Variants in UBE2G1 observed in about 807,000 individuals in gnomAD.
The protein encoded by UBE2G1 is ubiquitin conjugating enzyme E2 G1.
A neutral mutation model predicts 22.7 loss-of-function variants in UBE2G1; 5 were observed. The observed-to-expected ratio is 0.22, with a 90% CI of 0.12 to 0.46. The LOEUF (loss-of-function observed/expected upper bound fraction) is 0.46. Among genes scored for constraint, UBE2G1 ranks in the 20% least tolerant of loss-of-function variants. UBE2G1 has a pLI of 0.99. For missense variants in UBE2G1, 88 were observed against 203.9 expected, an observed-to-expected ratio of 0.43 and a Z score of 3.46; for synonymous variants, 74 against 67.5, an observed-to-expected ratio of 1.10 and a Z score of -0.47.
intron 3 of UBE2G1, among the ~76,000 whole-genome samples, chr17:4,292,543 C>T (rs1037093882): frequency 3.3e-5 from 5 of 152,186 alleles, no homozygotes; most frequent in South Asian, 4.1e-4. Context: ...CACAAGTGGT[C>T]TGGATAGCAT....
intron 2 of UBE2G1, among the ~76,000 whole-genome samples, chr17:4,298,919 G>A (rs1481687716): frequency 1.3e-5 from 2 of 152,158 alleles, no homozygotes; most frequent in African/African-American, 4.8e-5. Flanking sequence ...AATAGAGACT[G>A]GAATAGCTGT....
intron 1 of UBE2G1, among the ~76,000 whole-genome samples, chr17:4,347,430 T>A (rs1969789730): frequency 1.3e-5 from 2 of 151,806 alleles, no homozygotes; most frequent in African/African-American, 4.8e-5. Flanking sequence ...TCACTTGATG[T>A]CTCTGTGTCA....
At chr17:4,291,563 T>C (rs1212679295) in intron 3 of UBE2G1, among the ~76,000 whole-genome samples, 1 of 152,158 alleles carries the variant, frequency 6.6e-6, no homozygotes, top group Non-Finnish European at 1.5e-5. Flanking sequence ...CATTTTCCTT[T>C]TTAAAAAAAA....
intron 2 of UBE2G1, among the ~76,000 whole-genome samples, chr17:4,305,941 G>A (rs527924919): frequency 2.0e-5 from 3 of 152,326 alleles, no homozygotes; most frequent in East Asian, 3.9e-4. Flanking sequence ...ATCTAGAAAT[G>A]TACGACATGA....
At chr17:4,317,946 AT>A (rs1969396216) in intron 1 of UBE2G1, among the ~76,000 whole-genome samples, 1 of 152,232 alleles carries the variant, frequency 6.6e-6, no homozygotes, top group African/African-American at 2.4e-5. Flanking sequence ...CGCCTATTTT[AT>A]AGAAATAAAT....
At chr17:4,357,794 G>A (rs191714871) in intron 1 of UBE2G1, among the ~76,000 whole-genome samples, 108 of 151,640 alleles carry the variant, frequency 7.1e-4, no homozygotes, top group African/African-American at 2.5e-3. Context: ...GCGGAACTCT[G>A]TCTCAAAAAA....
chr17:4,342,715 C>T (rs1311604722), intron 1 of UBE2G1, among the ~76,000 whole-genome samples: 2 of 152,210 alleles, frequency 1.3e-5, no homozygotes, highest in African/African-American at 2.4e-5. Context: ...TCTGACTCTC[C>T]GTGCAGTCTA....
chr17:4,282,458 T>C (rs955134201), intron 5 of UBE2G1, among the ~76,000 whole-genome samples: 3 of 152,216 alleles, frequency 2.0e-5, no homozygotes, highest in East Asian at 1.9e-4. Context: ...TATATGAAGA[T>C]ACATTAGTGC....
At chr17:4,341,628 C>CA (rs1358098846) in intron 1 of UBE2G1, among the ~76,000 whole-genome samples, 2 of 152,152 alleles carry the variant, frequency 1.3e-5, no homozygotes, top group Non-Finnish European at 2.9e-5. Context: ...ACAAGCCCTC[C>CA]AGTTACTGCA....
Position 4,282,800 on chromosome 17 carries a change from T to A in UBE2G1, c.*35A>T. ...TATGATATTTAAAATAAACTTACCCTGAAATAAGTGAAGTTACTAGCTGCT... is the reference window on the plus strand; with the variant it reads ...TATGATATTTAAAATAAACTTACCCAGAAATAAGTGAAGTTACTAGCTGCT... On this transcript the variant is annotated splice_region_variant and 3_prime_UTR_variant, in exon 5 of 6. Coordinates refer to ENST00000396981, the MANE Select transcript of UBE2G1 (RefSeq NM_003342.5). 6.3e-7 allele frequency: 1 copy of A among 1,576,276 alleles called. No homozygotes were observed.
Position 4,285,767 on chromosome 17 carries a change from T to G in UBE2G1, c.427-2846A>C, listed in dbSNP as rs182117166. 6.6e-3 allele frequency among the ~76,000 whole-genome samples: 997 copies of G among 151,970 alleles called. 11 individuals carry two copies. The highest frequency in any genetic ancestry group is 0.023 in the African/African-American group (958 of 41,438). On this transcript the variant is annotated intron_variant, in intron 4 of 5. Coordinates refer to ENST00000396981, the MANE Select transcript of UBE2G1 (RefSeq NM_003342.5). ...GTAATCAAGACCATCCTGGCCAACA[T>G]GGTGAAACCCCATCTCTACTAAAAA...
chr17:4,304,008 G>A (rs1478877895), intron 2 of UBE2G1, among the ~76,000 whole-genome samples: 1 of 152,106 alleles, frequency 6.6e-6, no homozygotes. Flanking sequence ...TGATATCCAG[G>A]TTTCTTAGAC....
In UBE2G1 at chr17:4,272,395, G is replaced by C. The variant is rs1167366442; in HGVS notation, c.*159C>G. ...CACTTGTTAGGCTCTTGTCAGCATT[G>C]ATAACTGGCATGTTTTATTGCAGCC... On this transcript the variant is annotated 3_prime_UTR_variant, in exon 6 of 6. Coordinates refer to ENST00000396981, the MANE Select transcript of UBE2G1 (RefSeq NM_003342.5). 1 of 186,600 alleles carries C rather than the reference G, an allele frequency of 5.4e-6. No homozygotes were observed. Among genetic ancestry groups the C allele is most frequent in the Middle Eastern group, 2.9e-3 (1 of 340 alleles). The allele number at this position is 186,600 out of a possible 1,614,324, so 11.6% of individuals were successfully genotyped here.
At chr17:4,361,591 G>A (rs549952067) in intron 1 of UBE2G1, among the ~76,000 whole-genome samples, 16 of 152,180 alleles carry the variant, frequency 1.1e-4, no homozygotes, top group African/African-American at 3.9e-4. Context: ...GTACATGTTA[G>A]TCCTCAGTAA....
chr17:4,349,787 G>A (rs1969822066), intron 1 of UBE2G1, among the ~76,000 whole-genome samples: 1 of 150,858 alleles, frequency 6.6e-6, no homozygotes, highest in East Asian at 1.9e-4. Context: ...AGCTTGCAGT[G>A]AGCCGAGATT....
intron 2 of UBE2G1, chr17:4,302,564 G>C (rs1009825495): frequency 5.2e-6 from 2 of 382,622 alleles, no homozygotes; most frequent in Admixed American, 5.7e-5. Flanking sequence ...TTTGTTTTTA[G>C]AAGTTTTCTT....
intron 1 of UBE2G1, among the ~76,000 whole-genome samples, chr17:4,337,209 C>T (rs761523096): frequency 1.3e-5 from 2 of 151,724 alleles, no homozygotes; most frequent in Non-Finnish European, 2.9e-5. Flanking sequence ...GGCATCCTGG[C>T]GCGTGCCTGA....
intron 2 of UBE2G1, among the ~76,000 whole-genome samples, chr17:4,303,190 G>A (rs1016015565): frequency 4.6e-5 from 7 of 152,164 alleles, no homozygotes; most frequent in African/African-American, 1.7e-4. Flanking sequence ...GCTCTACTAT[G>A]TGGTTATGTG....
intron 3 of UBE2G1, among the ~76,000 whole-genome samples, chr17:4,292,314 C>CA (rs35054040): frequency 2.0e-4 from 22 of 108,684 alleles, no homozygotes; most frequent in African/African-American, 7.1e-4. Context: ...GACTCTGTCT[C>CA]AAAAAAAAAA....
Sources: gnomAD v4.1 joint callset for allele counts (sites outside exome capture counted in the v4.1 genomes callset) on GRCh38, gnomAD v4.1.1 for gene constraint, MANE v1.5 for transcripts, NCBI Gene and HGNC (gene_info 2026-07-23, HGNC 2026-07-21) for gene names.